The following FOXC1 variants were observed in gnomAD, a reference collection of about 807,000 sequenced individuals.
FOXC1 encodes the protein forkhead box protein C1.
Under a neutral mutation model 8.1 loss-of-function variants are expected in FOXC1, and 5 were observed. The observed-to-expected ratio is 0.62, with a 90% confidence interval of 0.32 to 1.30. The LOEUF (loss-of-function observed/expected upper bound fraction) is 1.30. Among genes scored for constraint, FOXC1 ranks in the 50% most tolerant of loss-of-function variants. FOXC1 has a pLI of 0.05. For synonymous variants in FOXC1, 552 were observed against 417.2 expected, an observed-to-expected ratio of 1.32 and a Z score of -3.94; for missense variants, 942 against 858.0, an observed-to-expected ratio of 1.10 and a Z score of -1.22.
chr6:1,613,393 TAGA>T lies in FOXC1; in HGVS notation c.*1289_*1291del. ...CATTTACAATCCTTCATGTATTACA[TAGA>T]AGGATTGCTTTTTTAAAAATATACT... On this transcript the variant is annotated 3_prime_UTR_variant, in exon 1 of 1. Transcript: ENST00000645831. 1 of 227,716 alleles carries T rather than the reference TAGA, an allele frequency of 4.4e-6. No individual in the cohort carries two copies. The highest frequency in any genetic ancestry group is 9.5e-6 in the Non-Finnish European group (1 of 105,606). 14.1% of individuals were successfully genotyped at this position (227,716 alleles called of 1,614,324 possible). A position where few individuals can be genotyped will look rare whatever the true frequency, so the allele number is the denominator to read the frequency against.
At position 1,613,200 on chromosome 6, in the gene FOXC1, G is replaced by A. The variant is rs1298626264; in HGVS notation, c.*1093G>A. The A allele has an allele frequency of 4.2e-6, 1 of 240,656 alleles. No individual in the cohort carries two copies. Among genetic ancestry groups the A allele is most frequent in the African/African-American group, 2.2e-5 (1 of 44,918 alleles). The allele number at this position is 240,656 out of a possible 1,614,324, so 14.9% of individuals were successfully genotyped here. On this transcript the variant is annotated 3_prime_UTR_variant, in exon 1 of 1. Transcript: ENST00000645831. ...TGTGTGCCGAGAGATGGGACTGTGCGGCCAGATATGCACAGATAAATATTT... is the reference window on the plus strand; with the variant it reads ...TGTGTGCCGAGAGATGGGACTGTGCAGCCAGATATGCACAGATAAATATTT...
In FOXC1 at chr6:1,610,432, G is replaced by A; in HGVS notation, c.-14G>A. 7.8e-7 allele frequency: 1 copy of A among 1,274,886 alleles called. No individual in the cohort carries two copies. 79.0% of individuals were successfully genotyped at this position (1,274,886 alleles called of 1,614,324 possible). On this transcript the variant is annotated 5_prime_UTR_variant, in exon 1 of 1. Coordinates refer to ENST00000645831, the MANE Select transcript of FOXC1 (RefSeq NM_001453.3). ...GGGGCGGCGGGCGGCGCGGGGCGGC[G>A]GCGAGCGGGGGCCATGCAGGCGCGC...
At position 1,611,782 on chromosome 6, in the gene FOXC1, ACGGCGGCGGCGG is replaced by A. The variant is rs398123612; in HGVS notation, c.1350_1361del (p.Gly453_Gly456del). On this transcript the variant is annotated inframe_deletion, in exon 1 of 1. Coordinates refer to ENST00000645831, the MANE Select transcript of FOXC1 (RefSeq NM_001453.3). This position sits in a 1 kb window ranked among gnomAD's most constrained non-coding sequence, Gnocchi z 7.1. The stretch of plus-strand genomic sequence containing the variant: ...AGCAGCAGCTCGTCGTCCCTGAGTC[ACGGCGGCGGCGG>A]CGGCGGCGGCGGGGGAGGCCAGGAG... 37 of 1,440,688 alleles carry A rather than the reference ACGGCGGCGGCGG, an allele frequency of 2.6e-5. No homozygotes were observed. The highest frequency in any genetic ancestry group is 4.7e-5 in the African/African-American group (3 of 64,454). The allele number at this position is 1,440,688 out of a possible 1,614,324, so 89.2% of individuals were successfully genotyped here. A position where few individuals can be genotyped will look rare whatever the true frequency, so the allele number is the denominator to read the frequency against.
In FOXC1 at chr6:1,612,121, C is replaced by T; in HGVS notation, c.*14C>T. 6.2e-7 allele frequency: 1 copy of T among 1,613,838 alleles called. No homozygotes were observed. Among genetic ancestry groups the T allele is most frequent in the Non-Finnish European group, 8.5e-7 (1 of 1,180,010 alleles). Reference sequence around the variant, plus strand: ...AGCAAGTTTTGACACACCCTCAAAGCCGAACTAAATCGAACCCCAAAGCAG... The same window carrying T: ...AGCAAGTTTTGACACACCCTCAAAGTCGAACTAAATCGAACCCCAAAGCAG... On this transcript the variant is annotated 3_prime_UTR_variant, in exon 1 of 1. Transcript: ENST00000645831.
In FOXC1 at chr6:1,613,397, A is replaced by T. The variant is rs186543284; in HGVS notation, c.*1290A>T. 3.1e-4 allele frequency: 71 copies of T among 229,422 alleles called. No individual in the cohort carries two copies. The East Asian group carries it at 4.7e-3, about 15-fold the overall frequency. 14.2% of individuals were successfully genotyped at this position (229,422 alleles called of 1,614,324 possible). ...TACAATCCTTCATGTATTACATAGA[A>T]GGATTGCTTTTTTAAAAATATACTG... On this transcript the variant is annotated 3_prime_UTR_variant, in exon 1 of 1. Transcript: ENST00000645831.
In FOXC1 at chr6:1,611,151, C is replaced by A; in HGVS notation, c.706C>A (p.Pro236Thr). ...IKTENGTCPS[P>T]PQPLSPAAAL... is the part of the protein sequence containing the mutation. ...GACCGAGAACGGTACGTGCCCCTCGCCGCCCCAGCCCCTGTCCCCGGCCGC... is the reference window on the plus strand; with the variant it reads ...GACCGAGAACGGTACGTGCCCCTCGACGCCCCAGCCCCTGTCCCCGGCCGC... The change falls in exon 1 of 1, where the codon CCG becomes ACG. Residue 236 changes from proline (P) to threonine (T), a missense_variant. Physicochemically the swap from Pro to Thr is conservative, Grantham distance 38. This residue lies in a region of FOXC1 where 726 missense variants were observed against 599.6 expected (regional missense o/e 1.21). Coordinates refer to ENST00000645831, the MANE Select transcript of FOXC1 (RefSeq NM_001453.3). The surrounding 1 kb of genome is among the most constrained non-coding windows in gnomAD (Gnocchi z 7.1). The A allele has an allele frequency of 6.9e-7, 1 of 1,440,464 alleles. No homozygotes were observed. Among genetic ancestry groups the A allele is most frequent in the Non-Finnish European group, 9.2e-7 (1 of 1,089,286 alleles). 89.2% of individuals were successfully genotyped at this position (1,440,464 alleles called of 1,614,324 possible).
chr6:1,610,400 AGGGT>A lies in FOXC1; in HGVS notation c.-42_-39del. On this transcript the variant is annotated 5_prime_UTR_variant, in exon 1 of 1. Transcript: ENST00000645831. ...GGCGCGGCGCGGCCCGGCCCGAGCG[AGGGT>A]GGGGGGCGGCGGGCGGCGCGGGGCG... The A allele has an allele frequency of 9.1e-7, 1 of 1,102,112 alleles. No homozygotes were observed. Among genetic ancestry groups the A allele is most frequent in the Non-Finnish European group, 1.1e-6 (1 of 896,392 alleles). The allele number at this position is 1,102,112 out of a possible 1,614,324, so 68.3% of individuals were successfully genotyped here. A position where few individuals can be genotyped will look rare whatever the true frequency, so the allele number is the denominator to read the frequency against.
In FOXC1 at chr6:1,610,730, G is replaced by C; in HGVS notation, c.285G>C (p.Pro95=). 1 of 1,613,936 alleles carries C rather than the reference G, an allele frequency of 6.2e-7. No individual in the cohort carries two copies. Among genetic ancestry groups the C allele is most frequent in the South Asian group, 1.1e-5 (1 of 91,080 alleles). ...TCACCATGGCCATCCAGAACGCCCC[G>C]GACAAGAAGATCACCCTGAACGGCA... is the stretch of plus-strand genomic sequence containing the variant. ...ALITMAIQNA[P]DKKITLNGIY... The change falls in exon 1 of 1, where the codon CCG becomes CCC. Residue 95 remains proline, a synonymous_variant. Coordinates refer to ENST00000645831, the MANE Select transcript of FOXC1 (RefSeq NM_001453.3).
chr6:1,611,580 G>C lies in FOXC1; in HGVS notation c.1135G>C (p.Gly379Arg), dbSNP rs1581374634. ...CGCGGGCAGCTCGGGCGGCGGCGGC[G>C]GCGGCGCGGGGGCCGCGGGGGGCGC... ...SSAGSSGGGG[G>R]GAGAAGGAGG... Residue 379 changes from glycine to arginine, a missense_variant, in exon 1 of 1, where the codon GGC becomes CGC. Physicochemically the swap from Gly to Arg is moderately radical, Grantham distance 125. Transcript: ENST00000645831. This position sits in a 1 kb window ranked among gnomAD's most constrained non-coding sequence, Gnocchi z 7.1. 2 of 1,162,676 alleles carry C rather than the reference G, an allele frequency of 1.7e-6. No homozygotes were observed. Among genetic ancestry groups the C allele is most frequent in the Admixed American group, 9.5e-5 (2 of 21,042 alleles). 72.0% of individuals were successfully genotyped at this position (1,162,676 alleles called of 1,614,324 possible). A position where few individuals can be genotyped will look rare whatever the true frequency, so the allele number is the denominator to read the frequency against.
rs1281315755 is a variant in FOXC1 at position 1,611,551 on chromosome 6, C to CCAGCGCGGG, written c.1111_1119dup (p.Ala371_Ser373dup). 1 of 1,233,366 alleles carries CCAGCGCGGG rather than the reference C, an allele frequency of 8.1e-7. No individual in the cohort carries two copies. 76.4% of individuals were successfully genotyped at this position (1,233,366 alleles called of 1,614,324 possible). ...TACAGCTCCCCCTGCAGCCAGACCTCCAGCGCGGGCAGCTCGGGCGGCGGC... is the reference window on the plus strand; with the variant it reads ...TACAGCTCCCCCTGCAGCCAGACCTCCAGCGCGGGCAGCGCGGGCAGCTCGGGCGGCGGC... On this transcript the variant is annotated inframe_insertion, in exon 1 of 1. Transcript: ENST00000645831. The surrounding 1 kb of genome is among the most constrained non-coding windows in gnomAD (Gnocchi z 7.1).
chr6:1,611,758 G>C lies in FOXC1; in HGVS notation c.1313G>C (p.Ser438Thr). Reference sequence around the variant, plus strand: ...GACTACTCTCTGCCTCCGGTCACCAGCAGCAGCTCGTCGTCCCTGAGTCAC... The same window carrying C: ...GACTACTCTCTGCCTCCGGTCACCACCAGCAGCTCGTCGTCCCTGAGTCAC... The part of the protein sequence containing the change: ...LPDYSLPPVT[S>T]SSSSSLSHGG... The change falls in exon 1 of 1, where the codon AGC becomes ACC. Residue 438 changes from serine (S) to threonine (T), a missense_variant. Ser to Thr is a moderately conservative substitution (Grantham distance 58, BLOSUM62 1). Around this residue, in one of 4 missense-constraint regions of FOXC1, gnomAD observed 726 missense variants for 599.6 expected, o/e 1.21. Coordinates refer to ENST00000645831, the MANE Select transcript of FOXC1 (RefSeq NM_001453.3). The surrounding 1 kb of genome is among the most constrained non-coding windows in gnomAD (Gnocchi z 7.1). 6.8e-7 allele frequency: 1 copy of C among 1,472,532 alleles called. No individual in the cohort carries two copies. The highest frequency in any genetic ancestry group is 8.9e-7 in the Non-Finnish European group (1 of 1,118,438). 91.2% of individuals were successfully genotyped at this position (1,472,532 alleles called of 1,614,324 possible). A position where few individuals can be genotyped will look rare whatever the true frequency, so the allele number is the denominator to read the frequency against.
rs762354349 is a variant in FOXC1 at position 1,610,814 on chromosome 6, G to A, written c.369G>A (p.Gln123=). 3.7e-5 allele frequency: 59 copies of A among 1,613,972 alleles called. No individual in the cohort carries two copies. The highest frequency in any genetic ancestry group is 4.7e-5 in the Non-Finnish European group (55 of 1,180,014). Residue 123 remains glutamine, a synonymous_variant, in exon 1 of 1, where the codon CAG becomes CAA. Transcript: ENST00000645831. ...ACCGGGACAACAAGCAGGGCTGGCA[G>A]AACAGCATCCGCCACAACCTCTCGC... is the stretch of plus-strand genomic sequence containing the variant. The part of the protein sequence containing the change: ...PFYRDNKQGW[Q]NSIRHNLSLN...
chr6:1,611,620 C>T lies in FOXC1; in HGVS notation c.1175C>T (p.Thr392Ile), dbSNP rs1036201687. The T allele has an allele frequency of 2.4e-6, 3 of 1,263,072 alleles. No individual in the cohort carries two copies. Among genetic ancestry groups the T allele is most frequent in the Admixed American group, 4.4e-5 (1 of 22,746 alleles). The allele number at this position is 1,263,072 out of a possible 1,614,324, so 78.2% of individuals were successfully genotyped here. A position where few individuals can be genotyped will look rare whatever the true frequency, so the allele number is the denominator to read the frequency against. The part of the protein sequence containing the change: ...GAAGGAGGAG[T>I]YHCNLQAMSL... ...GCGGGGGGCGCGGGCGGCGCCGGGACCTACCACTGCAACCTGCAAGCCATG... is the reference window on the plus strand; with the variant it reads ...GCGGGGGGCGCGGGCGGCGCCGGGATCTACCACTGCAACCTGCAAGCCATG... Residue 392 changes from threonine (T) to isoleucine (I), a missense_variant, in exon 1 of 1, where the codon ACC becomes ATC. Coordinates refer to ENST00000645831, the MANE Select transcript of FOXC1 (RefSeq NM_001453.3). This position sits in a 1 kb window ranked among gnomAD's most constrained non-coding sequence, Gnocchi z 7.1.
chr6:1,610,015 G>GCCCCC lies in FOXC1; in HGVS notation c.-421_-417dup, dbSNP rs562673925. The GCCCCC allele has an allele frequency of 3.2e-5, 3 of 92,696 alleles. No individual in the cohort carries two copies. The highest frequency in any genetic ancestry group is 4.7e-5 in the African/African-American group (1 of 21,446). The allele number at this position is 92,696 out of a possible 1,614,324, so 5.7% of individuals were successfully genotyped here. On this transcript the variant is annotated 5_prime_UTR_variant, in exon 1 of 1. Transcript: ENST00000645831. ...GGCCCGGGCAGGCGGCCGGCGCGCG[G>GCCCCC]CCCCCCCCCCCCCCGCCCTGGTTAT...
chr6:1,612,605 C>T lies in FOXC1; in HGVS notation c.*498C>T, dbSNP rs1042253141. 1 of 241,264 alleles carries T rather than the reference C, an allele frequency of 4.1e-6. No homozygotes were observed. The highest frequency in any genetic ancestry group is 2.2e-5 in the African/African-American group (1 of 44,714). The allele number at this position is 241,264 out of a possible 1,614,324, so 14.9% of individuals were successfully genotyped here. The stretch of plus-strand genomic sequence containing the variant: ...TGGACTTGTTTTAAAATGTAAATTG[C>T]AACATAGTAATTTATTTTTAATTTG... On this transcript the variant is annotated 3_prime_UTR_variant, in exon 1 of 1. Transcript: ENST00000645831.
At position 1,610,641 on chromosome 6, in the gene FOXC1, C is replaced by T. The variant is rs780155404; in HGVS notation, c.196C>T (p.Pro66Ser). The change falls in exon 1 of 1, where the codon CCC becomes TCC. Residue 66 changes from proline to serine, a missense_variant. Physicochemically the swap from Pro to Ser is moderately conservative, Grantham distance 74. Transcript: ENST00000645831. ...GGGCGGCATGGCCCGCGCCTACGGG[C>T]CCTACACGCCGCAGCCGCAGCCCAA... is the stretch of plus-strand genomic sequence containing the variant. ...YPGGMARAYG[P>S]YTPQPQPKDM... The T allele has an allele frequency of 2.5e-6, 4 of 1,612,878 alleles. No individual in the cohort carries two copies. The highest frequency in any genetic ancestry group is 3.4e-6 in the Non-Finnish European group (4 of 1,179,918).
At position 1,612,074 on chromosome 6, in the gene FOXC1, C is replaced by A; in HGVS notation, c.1629C>A (p.Ser543=). 4 of 1,614,060 alleles carry A rather than the reference C, an allele frequency of 2.5e-6. No individual in the cohort carries two copies. The highest frequency in any genetic ancestry group is 3.4e-6 in the Non-Finnish European group (4 of 1,180,016). The change falls in exon 1 of 1, where the codon TCC becomes TCA. Residue 543 remains serine (S), a synonymous_variant. Transcript: ENST00000645831. ...CCAGCCAGTCTCTGTACCGCACGTCCGGAGCTTTCGTCTACGACTGTAGCA... is the reference window on the plus strand; with the variant it reads ...CCAGCCAGTCTCTGTACCGCACGTCAGGAGCTTTCGTCTACGACTGTAGCA... The part of the protein sequence containing the change: ...FPSSQSLYRT[S]GAFVYDCSKF
In FOXC1 at chr6:1,610,337, C is replaced by A; in HGVS notation, c.-109C>A. 1.9e-6 allele frequency: 1 copy of A among 533,358 alleles called. No individual in the cohort carries two copies. The highest frequency in any genetic ancestry group is 2.4e-6 in the Non-Finnish European group (1 of 419,256). 33.0% of individuals were successfully genotyped at this position (533,358 alleles called of 1,614,324 possible). ...CCGGACGCACAGCGCAGCGGGCCGG[C>A]ACCAGCTCGGCCGGGCCCGGACTCG... is the stretch of plus-strand genomic sequence containing the variant. On this transcript the variant is annotated 5_prime_UTR_variant, in exon 1 of 1. Transcript: ENST00000645831.
In FOXC1 at chr6:1,610,423, C is replaced by T. The variant is rs1762514147; in HGVS notation, c.-23C>T. Reference sequence around the variant, plus strand: ...CGAGGGTGGGGGGCGGCGGGCGGCGCGGGGCGGCGGCGAGCGGGGGCCATG... The same window carrying T: ...CGAGGGTGGGGGGCGGCGGGCGGCGTGGGGCGGCGGCGAGCGGGGGCCATG... On this transcript the variant is annotated 5_prime_UTR_variant, in exon 1 of 1. Coordinates refer to ENST00000645831, the MANE Select transcript of FOXC1 (RefSeq NM_001453.3). The T allele has an allele frequency of 1.6e-6, 2 of 1,237,094 alleles. No individual in the cohort carries two copies. The highest frequency in any genetic ancestry group is 2.0e-6 in the Non-Finnish European group (2 of 985,102). 76.6% of individuals were successfully genotyped at this position (1,237,094 alleles called of 1,614,324 possible).
Sources: gnomAD v4.1 joint callset for allele counts on GRCh38, gnomAD v4.1.1 for gene constraint, gnomAD v4.1.1 regional missense constraint, Gnocchi (gnomAD v3.1) non-coding constraint, MANE v1.5 for transcripts, NCBI Gene and HGNC (gene_info 2026-07-23, HGNC 2026-07-21) for gene names.